PBRM1: variants seen among roughly 807,000 people sequenced by gnomAD.
PBRM1 encodes polybromo 1.
Under a neutral mutation model 194.5 loss-of-function variants are expected in PBRM1, and 27 were observed. That is an observed-to-expected ratio of 0.14 (90% CI 0.10 to 0.19). PBRM1 has a LOEUF of 0.19. Ranked by LOEUF, PBRM1 falls within the 10% of genes least tolerant of loss-of-function variation. The probability of loss-of-function intolerance (pLI) is 1.00; values close to 1 mark genes in which losing one functional copy is unlikely to be tolerated. For missense variants in PBRM1, 1,466 were observed against 2,077.2 expected (o/e 0.71, Z 5.72); for synonymous variants, 655 against 693.2 (o/e 0.94, Z 0.87).
At chr3:52,548,231 T>C in exon 30 of PBRM1, 1 of 1,571,630 alleles carries the variant, frequency 6.4e-7, no homozygotes, top group African/African-American at 1.4e-5. Context: ...CGTCGCGTCT[T>C]CGAGCTGAAA....
At chr3:52,651,157 G>C (rs79196646) in intron 6 of PBRM1, among the ~76,000 whole-genome samples, 1 of 152,162 alleles carries the variant, frequency 6.6e-6, no homozygotes. Flanking sequence ...TACACATAAA[G>C]CACTTAAAAC....
chr3:52,674,140 G>GT (rs2097025887), intron 2 of PBRM1, among the ~76,000 whole-genome samples: 1 of 151,524 alleles, frequency 6.6e-6, no homozygotes, highest in Admixed American at 6.6e-5. Context: ...TAAACAGTTG[G>GT]TTTTTTTAAA....
At chr3:52,618,932 G>A (rs1445716808) in intron 13 of PBRM1, among the ~76,000 whole-genome samples, 3 of 152,130 alleles carry the variant, frequency 2.0e-5, no homozygotes, top group East Asian at 1.9e-4. Flanking sequence ...TGTATTTTTC[G>A]TAGACAGGGT....
intron 21 of PBRM1, 40 bp from the exon 24 acceptor site, chr3:52,576,738 C>T (rs2089706386): frequency 6.7e-7 from 1 of 1,487,342 alleles, no homozygotes; most frequent in Admixed American, 2.1e-5. Flanking sequence ...AAAATAGTTT[C>T]CTTCTTGAAG....
chr3:52,550,673 G>C (rs1205828253), intron 28 of PBRM1, 36 bp from the exon 31 acceptor site: 1 of 1,569,792 alleles, frequency 6.4e-7, no homozygotes, highest in Non-Finnish European at 8.7e-7. Context: ...GAGGCAAAAA[G>C]AGACTCTGCA....
intron 2 of PBRM1, among the ~76,000 whole-genome samples, chr3:52,669,276 G>C (rs1396862027): frequency 6.6e-6 from 1 of 152,072 alleles, no homozygotes; most frequent in African/African-American, 2.4e-5. Context: ...ACAAAATTTG[G>C]CTTAGTGGTT....
intron 5 of PBRM1, among the ~76,000 whole-genome samples, chr3:52,656,228 T>C (rs2096605004): frequency 6.6e-6 from 1 of 152,188 alleles, no homozygotes; most frequent in Non-Finnish European, 1.5e-5. Context: ...AAACCTCTTC[T>C]TTTTTCAGGC....
chr3:52,643,299 T>C, exon 9 of PBRM1: 1 of 1,613,884 alleles, frequency 6.2e-7, no homozygotes, highest in Non-Finnish European at 8.5e-7. Flanking sequence ...GCCTTTACTG[T>C]GTGAAGGACC....
In PBRM1 at chr3:52,657,107, G is replaced by C. The variant is rs1365984147; in HGVS notation, c.645+1092C>G. On this transcript the variant is annotated intron_variant, in intron 5 of 29. Transcript: ENST00000296302. Reference sequence around the variant, plus strand: ...CGTACCTAGAATAGTCAAATTCATAGACAGAAAGCAGAATGGTGGCTGCCA... The same window carrying C: ...CGTACCTAGAATAGTCAAATTCATACACAGAAAGCAGAATGGTGGCTGCCA... Among the ~76,000 whole-genome samples, 7 of 152,150 alleles carry C rather than the reference G, an allele frequency of 4.6e-5. No individual in the cohort carries two copies. In the East Asian group the frequency reaches 9.6e-4, roughly 21 times the overall value.
chr3:52,602,792 C>T (rs57757646), intron 17 of PBRM1, among the ~76,000 whole-genome samples: 11,226 of 152,148 alleles, frequency 0.074, 988 homozygotes, highest in African/African-American at 0.21. Context: ...CTATTCTCAC[C>T]AACCAAGTCT....
Position 52,572,624 on chromosome 3 carries a change from C to T in PBRM1, c.3691+3917G>A, listed in dbSNP as rs1472405011. Reference sequence around the variant, plus strand: ...CTCCTGATCTCAAGTGATCCACCTGCCTCAGCCTCCCAAAGTGCTGGGATT... The same window carrying T: ...CTCCTGATCTCAAGTGATCCACCTGTCTCAGCCTCCCAAAGTGCTGGGATT... On this transcript the variant is annotated intron_variant, in intron 22 of 29. Coordinates refer to ENST00000296302, the Ensembl canonical transcript of PBRM1. Among the ~76,000 whole-genome samples the T allele has an allele frequency of 2.6e-5, 4 of 152,184 alleles. No homozygotes were observed. In the East Asian group the frequency reaches 5.8e-4, roughly 22 times the overall value.
intron 21 of PBRM1, among the ~76,000 whole-genome samples, chr3:52,578,026 G>C (rs2090136035): frequency 6.6e-6 from 1 of 151,998 alleles, no homozygotes; most frequent in Non-Finnish European, 1.5e-5. Flanking sequence ...TAACAAACAG[G>C]CCTGGCATGT....
intron 6 of PBRM1, among the ~76,000 whole-genome samples, chr3:52,649,725 G>T (rs746847801): frequency 6.6e-6 from 1 of 152,128 alleles, no homozygotes; most frequent in African/African-American, 2.4e-5. Flanking sequence ...TCTGAGCACG[G>T]GACTGGCAGG....
chr3:52,605,120 T>C (rs1285548610), intron 16 of PBRM1, among the ~76,000 whole-genome samples: 1 of 152,208 alleles, frequency 6.6e-6, no homozygotes, highest in Non-Finnish European at 1.5e-5. Flanking sequence ...TCATTTTATT[T>C]TGAGGCTGGG....
chr3:52,599,923 T>A (rs544716439), intron 17 of PBRM1, among the ~76,000 whole-genome samples: 18 of 152,158 alleles, frequency 1.2e-4, no homozygotes, highest in Admixed American at 1.2e-3. Context: ...GTATTATTTT[T>A]AAATACATTT....
intron 3 of PBRM1, among the ~76,000 whole-genome samples, chr3:52,662,753 G>A (rs1377422296): frequency 6.6e-6 from 1 of 150,966 alleles, no homozygotes; most frequent in Non-Finnish European, 1.5e-5. Context: ...TTGAACCAGA[G>A]AGGCAGAGGT....
chr3:52,575,268 GAACA>G (rs1251504955), intron 22 of PBRM1, among the ~76,000 whole-genome samples: 6 of 151,812 alleles, frequency 4.0e-5, no homozygotes, highest in Admixed American at 3.3e-4. Flanking sequence ...AAGAGTCACT[GAACA>G]AACAACCATA....
upstream of PBRM1, among the ~76,000 whole-genome samples, chr3:52,680,499 C>G (rs2097185377): frequency 6.6e-6 from 1 of 152,190 alleles, no homozygotes; most frequent in Non-Finnish European, 1.5e-5. Context: ...TTAACTATAA[C>G]AATTTTAACT....
intron 2 of PBRM1, among the ~76,000 whole-genome samples, chr3:52,673,977 G>A (rs936689957): frequency 6.6e-6 from 1 of 151,468 alleles, no homozygotes; most frequent in South Asian, 2.1e-4. Context: ...CTTGAACCTG[G>A]AAGGCAGAGG....
Sources: allele counts gnomAD v4.1 joint callset (sites outside exome capture counted in the v4.1 genomes callset), GRCh38; gene constraint gnomAD v4.1.1; transcripts MANE v1.5; gene names NCBI Gene and HGNC (gene_info 2026-07-23, HGNC 2026-07-21).